Variants in CD109 observed in about 807,000 individuals in gnomAD.
CD109 encodes the protein CD109 antigen.
A neutral mutation model predicts 165.8 loss-of-function variants in CD109; 149 were observed. The ratio of observed to expected loss-of-function variants is 0.90; its 90% confidence interval spans 0.79 to 1.03. The LOEUF is 1.03. Among genes scored for constraint, CD109 ranks in the 50% least tolerant of loss-of-function variants. CD109 has a pLI of 0.00. For synonymous variants in CD109, 585 were observed against 592.1 expected, an observed-to-expected ratio of 0.99 and a Z score of 0.18; for missense variants, 1,712 against 1,677.8, an observed-to-expected ratio of 1.02 and a Z score of -0.36.
At chr6:73,709,094 G>A (rs544298613) in intron 2 of CD109, among the ~76,000 whole-genome samples, 71 of 152,278 alleles carry the variant, frequency 4.7e-4, no homozygotes, top group Middle Eastern at 6.8e-3. Flanking sequence ...GTCCTGAATG[G>A]TATTGCCTAG....
intron 20 of CD109, among the ~76,000 whole-genome samples, 189 bp downstream of exon 20, chr6:73,785,666 A>G (rs1469050211): frequency 6.6e-6 from 1 of 152,180 alleles, no homozygotes; most frequent in Non-Finnish European, 1.5e-5. Flanking sequence ...TATCATTAGC[A>G]TGTCTACACA....
chr6:73,765,824 CAA>C, intron 10 of CD109, 104 bp from the exon 11 acceptor site: 1 of 774,582 alleles, frequency 1.3e-6, no homozygotes, highest in Non-Finnish European at 2.1e-6. Flanking sequence ...ATAGTGCTAC[CAA>C]TAATTTTTGA....
upstream of CD109, chr6:73,695,623 G>A (rs1157710577): frequency 6.6e-6 from 1 of 151,986 alleles, no homozygotes; most frequent in Non-Finnish European, 1.5e-5. Context: ...AGGAAAAATA[G>A]TTTTTCTGTT....
At chr6:73,763,526 T>G (rs779634746) in intron 9 of CD109, 50 bp from the exon 10 acceptor site, 1 of 1,048,920 alleles carries the variant, frequency 9.5e-7, no homozygotes, top group African/African-American at 1.6e-5. Context: ...GATAGAAGCT[T>G]TGGGTGAAAC....
chr6:73,723,224 C>T, intron 2 of CD109, 27 bp from the exon 3 acceptor site: 4 of 1,612,374 alleles, frequency 2.5e-6, no homozygotes, highest in Non-Finnish European at 2.5e-6. Context: ...TGTGCTAACT[C>T]TGTTTTCTTT....
intron 5 of CD109, among the ~76,000 whole-genome samples, chr6:73,738,168 A>G (rs556694950): frequency 2.0e-5 from 3 of 152,348 alleles, no homozygotes; most frequent in Admixed American, 6.5e-5. Context: ...CAGCTTGGTG[A>G]TAAAGAGGGT....
At chr6:73,794,416 A>C (rs1775083694) in intron 23 of CD109, among the ~76,000 whole-genome samples, 1 of 152,164 alleles carries the variant, frequency 6.6e-6, no homozygotes, top group Non-Finnish European at 1.5e-5. Context: ...GTCTCACTGG[A>C]GGTTTTGATA....
intron 15 of CD109, among the ~76,000 whole-genome samples, chr6:73,776,175 C>A (rs1774235443): frequency 6.6e-6 from 1 of 152,168 alleles, no homozygotes; most frequent in African/African-American, 2.4e-5. Flanking sequence ...ACCTCTCCAG[C>A]ATCTGTTATT....
At chr6:73,787,975 G>T (rs1438192557) in intron 21 of CD109, among the ~76,000 whole-genome samples, 1 of 152,040 alleles carries the variant, frequency 6.6e-6, no homozygotes, top group Non-Finnish European at 1.5e-5. Context: ...ACCTCAAAGG[G>T]TTTTTTTCCT....
the CD109 span, among the ~76,000 whole-genome samples, chr6:73,682,797 C>T: frequency 9.8e-5 from 15 of 152,354 alleles, no homozygotes; most frequent in South Asian, 2.7e-3. Flanking sequence ...TTCTTGACTT[C>T]TGTGCACCTG....
At chr6:73,817,398 A>T (rs758081358) in intron 30 of CD109, among the ~76,000 whole-genome samples, 3 of 152,124 alleles carry the variant, frequency 2.0e-5, no homozygotes, top group Non-Finnish European at 4.4e-5. Flanking sequence ...AATAACATCT[A>T]TTTTGGCTCA....
At chr6:73,723,032 C>T (rs1772017223) in intron 2 of CD109, 2 of 656,040 alleles carry the variant, frequency 3.0e-6, no homozygotes, top group South Asian at 6.8e-5. Flanking sequence ...TGGGTTTGCC[C>T]ACTGATACCC....
At chr6:73,808,381 A>G (rs1775644721) in intron 26 of CD109, 133 bp downstream of exon 26, 2 of 851,540 alleles carry the variant, frequency 2.3e-6, no homozygotes, top group Admixed American at 5.6e-5. Context: ...TAATGAGATC[A>G]GGATGGGCCT....
chr6:73,781,163 G>A (rs1484671823), intron 16 of CD109, 96 bp from the exon 17 acceptor site: 13 of 930,388 alleles, frequency 1.4e-5, no homozygotes, highest in Non-Finnish European at 2.0e-5. Flanking sequence ...TCTCAAAAAT[G>A]AGCACAAGTG....
At chr6:73,724,462 A>G (rs1451400161) in intron 3 of CD109, among the ~76,000 whole-genome samples, 1 of 152,184 alleles carries the variant, frequency 6.6e-6, no homozygotes, top group Non-Finnish European at 1.5e-5. Context: ...TGCTTAATGT[A>G]CAGTATAGTA....
At chr6:73,773,762 T>A (rs1169549829) in intron 15 of CD109, among the ~76,000 whole-genome samples, 1 of 152,186 alleles carries the variant, frequency 6.6e-6, no homozygotes, top group East Asian at 1.9e-4. Flanking sequence ...TTACCATAGA[T>A]TGCCTTTCAA....
rs759833174 is a variant in CD109, at chr6:73,771,586, G to T, written c.1827+5G>T. ...AATGATATTACAATGGAAAATGTGA[G>T]TTTAGCTATTTTTTCATTATGAAAA... On this transcript the variant is annotated splice_donor_5th_base_variant and intron_variant, in intron 15 of 32. Coordinates refer to ENST00000287097, the MANE Select transcript of CD109 (RefSeq NM_133493.5). The T allele has an allele frequency of 6.5e-7, 1 of 1,531,064 alleles. No individual in the cohort carries two copies. The highest frequency in any genetic ancestry group is 1.3e-5 in the South Asian group (1 of 76,592). 94.8% of individuals were successfully genotyped at this position (1,531,064 alleles called of 1,614,324 possible).
chr6:73,761,829 C>T (rs768823202), intron 7 of CD109, among the ~76,000 whole-genome samples: 17 of 151,016 alleles, frequency 1.1e-4, no homozygotes, highest in Admixed American at 6.6e-4. Context: ...CCAGGATCAC[C>T]GTTTATTAAA....
At chr6:73,798,529 A>G (rs1775251523) in intron 23 of CD109, among the ~76,000 whole-genome samples, 2 of 152,066 alleles carry the variant, frequency 1.3e-5, no homozygotes, top group South Asian at 4.2e-4. Context: ...ACCTCACAGG[A>G]CACTCCCACA....
Sources: allele counts gnomAD v4.1 joint callset (sites outside exome capture counted in the v4.1 genomes callset), GRCh38; gene constraint gnomAD v4.1.1; transcripts MANE v1.5; gene names NCBI Gene and HGNC (gene_info 2026-07-23, HGNC 2026-07-21).